Variants in SFTPC observed in about 807,000 individuals in gnomAD.
SFTPC encodes the protein BRICHOS domain containing 6.
A neutral mutation model predicts 19.9 loss-of-function variants in SFTPC; 12 were observed. The observed-to-expected ratio is 0.60, with a 90% CI of 0.39 to 0.98. The LOEUF is 0.98. SFTPC is among the 50% of genes least tolerant of loss of function. The pLI is 0.00. For synonymous variants in SFTPC, 123 were observed against 103.3 expected (o/e 1.19, Z -1.16); for missense variants, 219 against 252.2 (o/e 0.87, Z 0.89).
At chr8:22,159,767 C>T (rs1456926235), upstream of SFTPC, 3 of 1,289,516 alleles carry the variant, frequency 2.3e-6, no homozygotes, top group Non-Finnish European at 2.0e-6. Flanking sequence ...ACAACATGGC[C>T]CCCCGAGATG....
At chr8:22,158,005 A>G (rs137859836), upstream of SFTPC, among the ~76,000 whole-genome samples, 2 of 152,214 alleles carry the variant, frequency 1.3e-5, no homozygotes, top group African/African-American at 4.8e-5. Flanking sequence ...GGGTCCTGAA[A>G]ACAAAAAGCT....
At position 22,164,261 on chromosome 8, in the gene SFTPC, C is replaced by T. The variant is rs1477845589; in HGVS notation, c.*19-5C>T. 2.0e-6 allele frequency: 3 copies of T among 1,536,178 alleles called. No individual in the cohort carries two copies. The highest frequency in any genetic ancestry group is 4.9e-5 in the East Asian group (2 of 40,912). ...GTCCATCCTCAACATTCCTTTGCTT[C>T]ACAGGGTCAGTGGAAGCCCCAACGG... On this transcript the variant is annotated splice_region_variant and splice_polypyrimidine_tract_variant and intron_variant, in intron 5 of 5. Transcript: ENST00000679463.
At chr8:22,157,725 T>G (rs560711623), upstream of SFTPC, 173 of 152,326 alleles carry the variant, frequency 1.1e-3, no homozygotes, top group African/African-American at 4.0e-3. Flanking sequence ...CCCTTTTCAC[T>G]TCTATGAAGC....
At position 22,163,121 on chromosome 8, in the gene SFTPC, C is replaced by A. The variant is rs1827828002; in HGVS notation, c.243C>A (p.Arg81=). Residue 81 remains arginine, a synonymous_variant, in exon 3 of 6, where the codon CGC becomes CGA. Transcript: ENST00000679463. ...TTGGGGCGCCGGAAGCCCAGCAACG[C>A]CTGGCCCTGAGTGAGCACCTGGTTA... is the stretch of plus-strand genomic sequence containing the variant. ...MSIGAPEAQQ[R]LALSEHLVTT... 1 of 1,614,164 alleles carries A rather than the reference C, an allele frequency of 6.2e-7. No homozygotes were observed. Among genetic ancestry groups the A allele is most frequent in the Non-Finnish European group, 8.5e-7 (1 of 1,180,026 alleles).
intron 1 of SFTPC, among the ~76,000 whole-genome samples, chr8:22,162,200 G>A (rs929815150): frequency 8.5e-5 from 13 of 152,144 alleles, no homozygotes; most frequent in African/African-American, 2.4e-4. Context: ...GGAGGAGCTC[G>A]CCCGGTGGAG....
In SFTPC at chr8:22,164,022, T is replaced by C. The variant is rs769238316; in HGVS notation, c.557T>C (p.Val186Ala). Residue 186 changes from valine (V) to alanine (A), a missense_variant, in exon 5 of 6, where the codon GTG (valine) becomes GCG (alanine). Transcript: ENST00000679463. ...GCCGTGAGCACCCTGTGTGGCGAGG[T>C]GCCGCTCTACTACATCTAGGACGCC... ...GMAVSTLCGE[V>A]PLYYI 3.7e-6 allele frequency: 6 copies of C among 1,611,904 alleles called. No homozygotes were observed. The highest frequency in any genetic ancestry group is 1.1e-5 in the South Asian group (1 of 91,008).
upstream of SFTPC, among the ~76,000 whole-genome samples, chr8:22,160,269 G>A (rs1343968299): frequency 2.0e-5 from 3 of 152,190 alleles, no homozygotes; most frequent in African/African-American, 7.2e-5. Flanking sequence ...CCGAAGGGCA[G>A]GGCCCAGGTG....
upstream of SFTPC, chr8:22,159,709 C>A: frequency 8.8e-7 from 1 of 1,134,066 alleles, no homozygotes; most frequent in Non-Finnish European, 1.2e-6. Flanking sequence ...CCAGCGATGG[C>A]GGCAAACCCC....
upstream of SFTPC, chr8:22,158,743 C>G (rs1040530067): frequency 1.3e-5 from 2 of 152,248 alleles, no homozygotes; most frequent in South Asian, 2.1e-4. Flanking sequence ...CAAAGCAGAA[C>G]GACTCACGCT....
At chr8:22,162,094 G>A (rs1827755623) in intron 1 of SFTPC, among the ~76,000 whole-genome samples, 1 of 152,074 alleles carries the variant, frequency 6.6e-6, no homozygotes, top group Non-Finnish European at 1.5e-5. Flanking sequence ...AGAAAGGGCT[G>A]TCCGTAGACA....
chr8:22,162,529 C>T (rs746074620), intron 1 of SFTPC, 45 bp from the exon 2 acceptor site: 11 of 1,605,096 alleles, frequency 6.9e-6, no homozygotes, highest in African/African-American at 5.4e-5. Context: ...GAGGGGACAG[C>T]CTCATGACCT....
upstream of SFTPC, chr8:22,157,743 T>G (rs1827553690): frequency 6.6e-6 from 1 of 152,222 alleles, no homozygotes; most frequent in Admixed American, 6.5e-5. Flanking sequence ...AGCTCCAAAT[T>G]TAAAAGATTT....
At chr8:22,163,005 G>T (rs1827819840) in intron 2 of SFTPC, 75 bp from the exon 3 acceptor site, 2 of 1,596,192 alleles carry the variant, frequency 1.3e-6, no homozygotes, top group African/African-American at 1.3e-5. Flanking sequence ...GAGTACAGAG[G>T]CCTGAGTATG....
At chr8:22,162,886 G>C (rs1171752133) in intron 2 of SFTPC, among the ~76,000 whole-genome samples, 154 bp downstream of exon 2, 1 of 152,186 alleles carries the variant, frequency 6.6e-6, no homozygotes, top group African/African-American at 2.4e-5. Context: ...CAGCAACCCA[G>C]CTCAGGCTTT....
chr8:22,164,315 T>C lies in SFTPC; in HGVS notation c.*68T>C. 1 of 1,536,150 alleles carries C rather than the reference T, an allele frequency of 6.5e-7. No homozygotes were observed. The highest frequency in any genetic ancestry group is 8.7e-7 in the Non-Finnish European group (1 of 1,146,912). ...AGGAAACGCCCCGGGCAAAGGGTCT[T>C]TTGCAGCTTTTGCAGACGGGCAAGA... On this transcript the variant is annotated 3_prime_UTR_variant, in exon 6 of 6. Coordinates refer to ENST00000679463, the MANE Select transcript of SFTPC (RefSeq NM_001317778.2).
Position 22,164,386 on chromosome 8 carries a change from A to T in SFTPC, c.*139A>T. The T allele has an allele frequency of 2.0e-6, 3 of 1,534,002 alleles. No homozygotes were observed. The highest frequency in any genetic ancestry group is 2.6e-6 in the Non-Finnish European group (3 of 1,145,984). ...CAGGGACAAGCCCTGGAGAAATGGGAGCTTGGGGAGAGGATGGGAGTGGGC... is the reference window on the plus strand; with the variant it reads ...CAGGGACAAGCCCTGGAGAAATGGGTGCTTGGGGAGAGGATGGGAGTGGGC... On this transcript the variant is annotated 3_prime_UTR_variant, in exon 6 of 6. Coordinates refer to ENST00000679463, the MANE Select transcript of SFTPC (RefSeq NM_001317778.2).
At chr8:22,160,788 T>A (rs1439232386), upstream of SFTPC, among the ~76,000 whole-genome samples, 1 of 152,094 alleles carries the variant, frequency 6.6e-6, no homozygotes, top group East Asian at 1.9e-4. Flanking sequence ...ATTGGCAGAT[T>A]TGACCTCGTA....
chr8:22,162,876 C>T, intron 2 of SFTPC, 144 bp downstream of exon 2: 1 of 1,338,840 alleles, frequency 7.5e-7, no homozygotes, highest in Non-Finnish European at 1.1e-6. Flanking sequence ...ACGAACCAGG[C>T]AGCAACCCAG....
Position 22,163,969 on chromosome 8 carries a change from C to T in SFTPC, c.504C>T (p.Ser168=). ...AEGRDAGSAP[S]GGDPAFLGMA... Reference sequence around the variant, plus strand: ...GGCGAGATGCAGGCTCAGCACCCTCCGGAGGGGACCCGGCCTTCCTGGGCA... The same window carrying T: ...GGCGAGATGCAGGCTCAGCACCCTCTGGAGGGGACCCGGCCTTCCTGGGCA... Residue 168 remains serine (S), a synonymous_variant, in exon 5 of 6, where the codon TCC becomes TCT. Transcript: ENST00000679463. The T allele has an allele frequency of 1.2e-6, 2 of 1,613,102 alleles. No homozygotes were observed. The highest frequency in any genetic ancestry group is 1.7e-6 in the Non-Finnish European group (2 of 1,180,024).
Sources: allele counts gnomAD v4.1 joint callset (sites outside exome capture counted in the v4.1 genomes callset), GRCh38; gene constraint gnomAD v4.1.1; transcripts MANE v1.5; gene names NCBI Gene and HGNC (gene_info 2026-07-23, HGNC 2026-07-21).